EXOC4: variants seen among roughly 807,000 people sequenced by gnomAD.
The protein encoded by EXOC4 is exocyst complex component 4.
EXOC4 carries 71 observed loss-of-function variants against 107.2 expected under a neutral mutation model. That is an observed-to-expected ratio of 0.66 (90% CI 0.55 to 0.81). The LOEUF (loss-of-function observed/expected upper bound fraction) is 0.81. EXOC4 is among the 30% of genes least tolerant of loss of function. EXOC4 has a pLI of 0.00. For missense variants in EXOC4, 1,108 were observed against 1,189.6 expected, an observed-to-expected ratio of 0.93 and a Z score of 1.01; for synonymous variants, 456 against 441.2, an observed-to-expected ratio of 1.03 and a Z score of -0.42.
chr7:133,821,481 C>G lies in EXOC4; in HGVS notation c.1734+3937C>G, dbSNP rs561599618. Among the ~76,000 whole-genome samples, 10 of 152,286 alleles carry G rather than the reference C, an allele frequency of 6.6e-5. No individual in the cohort carries two copies. In the South Asian group the frequency reaches 2.1e-3, roughly 32 times the overall value. ...GAGAATTTAGGAGTGAGCATTTAGA[C>G]AATTTTTTTTAGCATTTTGACATTG... is the stretch of plus-strand genomic sequence containing the variant. On this transcript the variant is annotated intron_variant, in intron 11 of 17. Coordinates refer to ENST00000253861, the MANE Select transcript of EXOC4 (RefSeq NM_021807.4).
rs1006933000 is a variant in EXOC4, at chr7:133,767,109, GT to G, written c.1515-50207del. ...TTTCAGAGAGTTTGACTCTTACCTGGTTTTTTTTTCCTTCAATTTAAAACTA... is the reference window on the plus strand; with the variant it reads ...TTTCAGAGAGTTTGACTCTTACCTGGTTTTTTTTCCTTCAATTTAAAACTA... On this transcript the variant is annotated intron_variant, in intron 10 of 17. Coordinates refer to ENST00000253861, the MANE Select transcript of EXOC4 (RefSeq NM_021807.4). Among the ~76,000 whole-genome samples, 12 of 150,630 alleles carry G rather than the reference GT, an allele frequency of 8.0e-5. No homozygotes were observed. The East Asian group carries it at 1.4e-3, about 17-fold the overall frequency.
chr7:133,628,105 C>A (rs373701910), intron 9 of EXOC4, among the ~76,000 whole-genome samples: 2 of 152,082 alleles, frequency 1.3e-5, no homozygotes, highest in African/African-American at 2.4e-5. Flanking sequence ...CCAAATGTTG[C>A]GAGTGTAGAT....
chr7:133,777,308 AGAGAGAGAGAGAG>A (rs1332990780), intron 10 of EXOC4, among the ~76,000 whole-genome samples: 304 of 150,824 alleles, frequency 2.0e-3, no homozygotes, highest in South Asian at 0.019. Context: ...AGAGAGAGAG[AGAGAGAGAGAGAG>A]AATATATATA....
At chr7:133,353,615 G>A (rs1795959666) in intron 5 of EXOC4, among the ~76,000 whole-genome samples, 1 of 151,950 alleles carries the variant, frequency 6.6e-6, no homozygotes, top group Non-Finnish European at 1.5e-5. Context: ...TCATGGTGTA[G>A]GTCTCTTTGA....
intron 1 of EXOC4, among the ~76,000 whole-genome samples, chr7:133,263,787 A>AT (rs1584759680): frequency 7.6e-3 from 1 of 132 alleles, no homozygotes; most frequent in East Asian, 0.071. Context: ...ATGGTGGGAA[A>AT]CAGGTTGATT....
intron 9 of EXOC4, among the ~76,000 whole-genome samples, chr7:133,617,331 C>G (rs1802217119): frequency 6.6e-6 from 1 of 151,972 alleles, no homozygotes; most frequent in African/African-American, 2.4e-5. Flanking sequence ...GTAGACTGTT[C>G]CATAAAGAGA....
intron 9 of EXOC4, 158 bp downstream of exon 9, chr7:133,480,296 C>T (rs1206716890): frequency 2.7e-5 from 39 of 1,459,724 alleles, no homozygotes; most frequent in Non-Finnish European, 3.5e-5. Flanking sequence ...GCATCTGCTG[C>T]CAAGCAGGTA....
At position 134,064,243 on chromosome 7, in the gene EXOC4, C is replaced by T. The variant is rs370138350; in HGVS notation, c.2688-48C>T. 53 of 1,284,038 alleles carry T rather than the reference C, an allele frequency of 4.1e-5. No homozygotes were observed. The Middle Eastern group carries it at 3.8e-3, about 92-fold the overall frequency. The allele number at this position is 1,284,038 out of a possible 1,614,324, so 79.5% of individuals were successfully genotyped here. A position where few individuals can be genotyped will look rare whatever the true frequency, so the allele number is the denominator to read the frequency against. Reference sequence around the variant, plus strand: ...CAGCGTATTTGTCCCCTCGAGACGACGTTACCAGTGGGGAGCCAGTGAGCA... The same window carrying T: ...CAGCGTATTTGTCCCCTCGAGACGATGTTACCAGTGGGGAGCCAGTGAGCA... On this transcript the variant is annotated intron_variant, in intron 17 of 17. Transcript: ENST00000253861.
chr7:133,589,881 A>G (rs967662402), intron 9 of EXOC4, among the ~76,000 whole-genome samples: 3 of 152,198 alleles, frequency 2.0e-5, no homozygotes, highest in African/African-American at 7.2e-5. Flanking sequence ...AAGAATCAAT[A>G]ATTTTGATGC....
chr7:133,830,985 G>C (rs562656810), intron 11 of EXOC4, among the ~76,000 whole-genome samples: 1 of 147,902 alleles, frequency 6.8e-6, no homozygotes, highest in South Asian at 2.1e-4. Flanking sequence ...TTTGTTTTGA[G>C]ACAGAGTCTC....
intron 3 of EXOC4, among the ~76,000 whole-genome samples, chr7:133,296,250 T>C (rs1227478970): frequency 6.6e-6 from 1 of 152,160 alleles, no homozygotes; most frequent in Non-Finnish European, 1.5e-5. Flanking sequence ...TGGAGGATAT[T>C]ACTTGCTAGT....
chr7:133,669,225 T>G (rs534824081), intron 10 of EXOC4, among the ~76,000 whole-genome samples: 2 of 151,938 alleles, frequency 1.3e-5, no homozygotes, highest in East Asian at 1.9e-4. Context: ...CTGTCTCTGG[T>G]GGATGCAGCC....
At chr7:133,317,442 AG>A in intron 5 of EXOC4, 52 bp downstream of exon 5, 1 of 1,292,612 alleles carries the variant, frequency 7.7e-7, no homozygotes, top group Non-Finnish European at 1.1e-6. Flanking sequence ...CTTAGTTCCT[AG>A]GTAGATATCT....
intron 9 of EXOC4, among the ~76,000 whole-genome samples, chr7:133,594,493 C>CTTGTGTTTT (rs1801618768): frequency 1.1e-5 from 1 of 90,356 alleles, no homozygotes; most frequent in African/African-American, 4.5e-5. Flanking sequence ...AAGCTTGAGT[C>CTTGTGTTTT]TTTTTTTTTT....
the EXOC4 span, among the ~76,000 whole-genome samples, chr7:134,085,600 A>C: frequency 6.6e-6 from 1 of 152,314 alleles, no homozygotes; most frequent in Admixed American, 6.5e-5. Flanking sequence ...CCCCAAAAGC[A>C]CATCTCCTTA....
intron 14 of EXOC4, among the ~76,000 whole-genome samples, chr7:133,950,553 C>T (rs750855730): frequency 6.6e-6 from 1 of 152,148 alleles, no homozygotes; most frequent in Non-Finnish European, 1.5e-5. Context: ...GAGAGTCTCT[C>T]CCAATTTTCA....
intron 7 of EXOC4, among the ~76,000 whole-genome samples, chr7:133,417,582 A>G (rs1797507897): frequency 6.6e-6 from 1 of 152,156 alleles, no homozygotes; most frequent in South Asian, 2.1e-4. Context: ...CTACTTGTAC[A>G]CAGAATGGAG....
chr7:133,746,477 C>G (rs1194610719), intron 10 of EXOC4, among the ~76,000 whole-genome samples: 1 of 152,054 alleles, frequency 6.6e-6, no homozygotes, highest in Non-Finnish European at 1.5e-5. Flanking sequence ...GAGTTTCTAC[C>G]TAGTATGCTT....
chr7:134,036,125 C>T (rs1483753201), intron 17 of EXOC4, among the ~76,000 whole-genome samples: 1 of 152,112 alleles, frequency 6.6e-6, no homozygotes, highest in Admixed American at 6.5e-5. Context: ...GTGTTCATAC[C>T]AGTAGACCTA....
Sources: allele counts gnomAD v4.1 joint callset (sites outside exome capture counted in the v4.1 genomes callset), GRCh38; gene constraint gnomAD v4.1.1; transcripts MANE v1.5; gene names NCBI Gene and HGNC (gene_info 2026-07-23, HGNC 2026-07-21).